RPS6KC1: variants seen among roughly 807,000 people sequenced by gnomAD.
RPS6KC1 encodes the protein inactive ribosomal protein S6 kinase delta-1.
Under a neutral mutation model 103.8 loss-of-function variants are expected in RPS6KC1, and 54 were observed. The observed-to-expected ratio is 0.52, with a 90% confidence interval of 0.42 to 0.65. The LOEUF is 0.65. RPS6KC1 is among the 30% of genes least tolerant of loss of function. The pLI is 0.00. For missense variants in RPS6KC1, 1,151 were observed against 1,253.8 expected, an observed-to-expected ratio of 0.92 and a Z score of 1.24; for synonymous variants, 439 against 438.7, an observed-to-expected ratio of 1.00 and a Z score of -0.01.
the RPS6KC1 span, among the ~76,000 whole-genome samples, chr1:213,800,207 CA>C: frequency 6.6e-6 from 1 of 152,244 alleles, no homozygotes; most frequent in Non-Finnish European, 1.5e-5. Context: ...ACAGGACTAC[CA>C]AAAACCAGAA....
At chr1:213,470,492 T>A in the RPS6KC1 span, among the ~76,000 whole-genome samples, 1 of 152,216 alleles carries the variant, frequency 6.6e-6, no homozygotes, top group Non-Finnish European at 1.5e-5. Flanking sequence ...CTGTTTATGA[T>A]GTCAGTAACT....
the RPS6KC1 span, among the ~76,000 whole-genome samples, chr1:213,630,778 T>C: frequency 1.3e-5 from 2 of 151,076 alleles, no homozygotes; most frequent in Non-Finnish European, 3.0e-5. Flanking sequence ...TTCTGTTTGT[T>C]AGTTTTCCTT....
At chr1:213,587,425 G>A in the RPS6KC1 span, among the ~76,000 whole-genome samples, 2 of 152,186 alleles carry the variant, frequency 1.3e-5, no homozygotes, top group Admixed American at 6.5e-5. Context: ...TGGGGCAAGA[G>A]GCACAGAGAT....
chr1:213,625,687 T>A, the RPS6KC1 span, among the ~76,000 whole-genome samples: 1 of 152,210 alleles, frequency 6.6e-6, no homozygotes, highest in Non-Finnish European at 1.5e-5. Flanking sequence ...GTGTTTGGTT[T>A]TTTGTCCTTG....
chr1:213,181,954 T>G (rs2092291178), intron 8 of RPS6KC1, among the ~76,000 whole-genome samples: 1 of 152,178 alleles, frequency 6.6e-6, no homozygotes, highest in African/African-American at 2.4e-5. Context: ...TTCTCTTTAG[T>G]TTTGGAAATT....
chr1:213,325,400 C>G, the RPS6KC1 span, among the ~76,000 whole-genome samples: 1 of 152,192 alleles, frequency 6.6e-6, no homozygotes, highest in Non-Finnish European at 1.5e-5. Context: ...CCTGCAGAAA[C>G]AAATACCTTT....
chr1:213,668,152 C>T, the RPS6KC1 span, among the ~76,000 whole-genome samples: 1 of 152,176 alleles, frequency 6.6e-6, no homozygotes, highest in Non-Finnish European at 1.5e-5. Flanking sequence ...TGAATCCTTT[C>T]CAGAAGGTTT....
At chr1:213,218,595 G>A (rs1337416843) in intron 8 of RPS6KC1, among the ~76,000 whole-genome samples, 2 of 152,144 alleles carry the variant, frequency 1.3e-5, no homozygotes, top group African/African-American at 4.8e-5. Flanking sequence ...AAAGCTGGAG[G>A]CATCACACTA....
the RPS6KC1 span, among the ~76,000 whole-genome samples, chr1:213,452,369 G>A: frequency 6.7e-5 from 10 of 149,296 alleles, no homozygotes; most frequent in South Asian, 4.2e-4. Flanking sequence ...ACCCTATCTC[G>A]CCCTCCCCCA....
chr1:213,219,759 A>G (rs1472902274), intron 8 of RPS6KC1, among the ~76,000 whole-genome samples: 2 of 151,744 alleles, frequency 1.3e-5, no homozygotes, highest in Non-Finnish European at 2.9e-5. Flanking sequence ...TATTGCAACG[A>G]CAAAAACCAA....
the RPS6KC1 span, among the ~76,000 whole-genome samples, chr1:213,328,961 G>T: frequency 6.6e-6 from 1 of 152,154 alleles, no homozygotes. Context: ...TACAGATCAA[G>T]ATTCCAACTG....
chr1:213,549,722 A>G, the RPS6KC1 span, among the ~76,000 whole-genome samples: 1 of 148,614 alleles, frequency 6.7e-6, no homozygotes, highest in Non-Finnish European at 1.5e-5. Context: ...CAGCTTCAGT[A>G]GAAGTGTGAC....
chr1:213,765,582 C>G, the RPS6KC1 span, among the ~76,000 whole-genome samples: 5 of 152,190 alleles, frequency 3.3e-5, no homozygotes, highest in African/African-American at 1.2e-4. Flanking sequence ...ACAGCTCTGT[C>G]ATAGACTCAT....
At chr1:213,053,997 G>A (rs946158493) in intron 1 of RPS6KC1, among the ~76,000 whole-genome samples, 15 of 151,966 alleles carry the variant, frequency 9.9e-5, no homozygotes, top group African/African-American at 2.9e-4. Flanking sequence ...CACCATACCC[G>A]GCTAATTTGT....
intron 12 of RPS6KC1, among the ~76,000 whole-genome samples, chr1:213,252,605 T>A (rs983981296): frequency 6.6e-6 from 1 of 152,230 alleles, no homozygotes; most frequent in East Asian, 1.9e-4. Flanking sequence ...AGATCTTTTT[T>A]TGATCCTGAA....
the RPS6KC1 span, among the ~76,000 whole-genome samples, chr1:213,834,134 G>A: frequency 6.6e-6 from 1 of 152,100 alleles, no homozygotes; most frequent in Non-Finnish European, 1.5e-5. Flanking sequence ...GACCTCCTCA[G>A]GCTTAGGTGA....
At chr1:213,557,331 G>T in the RPS6KC1 span, among the ~76,000 whole-genome samples, 1 of 152,198 alleles carries the variant, frequency 6.6e-6, no homozygotes, top group African/African-American at 2.4e-5. Context: ...GCCTCCAGAA[G>T]TCGGAAGACA....
the RPS6KC1 span, among the ~76,000 whole-genome samples, chr1:213,796,376 C>T: frequency 1.3e-5 from 2 of 152,096 alleles, no homozygotes; most frequent in African/African-American, 2.4e-5. Flanking sequence ...GTTGATACCC[C>T]GGTACCAGAC....
intron 8 of RPS6KC1, among the ~76,000 whole-genome samples, chr1:213,191,878 G>T (rs929272271): frequency 6.6e-6 from 1 of 151,740 alleles, no homozygotes; most frequent in East Asian, 1.9e-4. Flanking sequence ...GCATGATCTC[G>T]GCTCACTGCA....
Sources: allele counts gnomAD v4.1 joint callset (sites outside exome capture counted in the v4.1 genomes callset), GRCh38; gene constraint gnomAD v4.1.1; transcripts MANE v1.5; gene names NCBI Gene and HGNC (gene_info 2026-07-23, HGNC 2026-07-21).